The following CARMIL1 variants were observed in gnomAD, a reference collection of about 807,000 sequenced individuals.
CARMIL1 encodes the protein capping protein regulator and myosin 1 linker 1, also known as F-actin-uncapping protein LRRC16A.
Under a neutral mutation model 177.1 loss-of-function variants are expected in CARMIL1, and 90 were observed. That is an observed-to-expected ratio of 0.51 (90% confidence interval 0.43 to 0.61). The LOEUF (loss-of-function observed/expected upper bound fraction) is 0.61, where lower values mean the gene tolerates loss of function less well. Among genes scored for constraint, CARMIL1 ranks in the 20% least tolerant of loss-of-function variants. The pLI, the probability that CARMIL1 is intolerant of heterozygous loss-of-function variation, is 0.00. For missense variants in CARMIL1, 1,380 were observed against 1,667.0 expected (o/e 0.83, Z 3.00); for synonymous variants, 577 against 606.2 (o/e 0.95, Z 0.71).
chr6:25,568,434 G>T (rs1180009392), intron 29 of CARMIL1, among the ~76,000 whole-genome samples: 2 of 152,108 alleles, frequency 1.3e-5, no homozygotes, highest in African/African-American at 4.8e-5. Flanking sequence ...GCTGGCTAAG[G>T]GTGGAGCCTT....
chr6:25,392,199 A>G (rs1309674627), intron 2 of CARMIL1, among the ~76,000 whole-genome samples: 1 of 151,928 alleles, frequency 6.6e-6, no homozygotes, highest in East Asian at 1.9e-4. Context: ...GGGATCTAGA[A>G]TTGCAGGTTA....
At chr6:25,601,908 C>G (rs573450091) in intron 33 of CARMIL1, among the ~76,000 whole-genome samples, 13 of 152,296 alleles carry the variant, frequency 8.5e-5, no homozygotes, top group South Asian at 4.1e-4. Flanking sequence ...TGTGCATTAT[C>G]TTGAGCTCCA....
intron 33 of CARMIL1, 69 bp downstream of exon 33, chr6:25,600,815 G>T: frequency 7.5e-7 from 1 of 1,330,590 alleles, no homozygotes; most frequent in East Asian, 2.6e-5. Flanking sequence ...TTTTCATGGT[G>T]CATGTGATAT....
At chr6:25,372,424 G>A (rs1034879162) in intron 2 of CARMIL1, among the ~76,000 whole-genome samples, 3 of 152,048 alleles carry the variant, frequency 2.0e-5, no homozygotes, top group African/African-American at 7.2e-5. Context: ...ATTTCCTTCA[G>A]CAGTGTTTTG....
At chr6:25,353,287 G>A (rs1788285942) in intron 2 of CARMIL1, among the ~76,000 whole-genome samples, 1 of 152,174 alleles carries the variant, frequency 6.6e-6, no homozygotes, top group Admixed American at 6.5e-5. Context: ...AACAATCCTA[G>A]GAGAGATGTG....
chr6:25,306,660 AT>A (rs1783296736), intron 2 of CARMIL1, among the ~76,000 whole-genome samples: 1 of 152,212 alleles, frequency 6.6e-6, no homozygotes, highest in African/African-American at 2.4e-5. Flanking sequence ...TGTTGTATGC[AT>A]ATACCAATTT....
rs547319280 is a variant in CARMIL1, at chr6:25,349,969, C to T, written c.138+65060C>T. Among the ~76,000 whole-genome samples the T allele has an allele frequency of 3.9e-5, 6 of 152,042 alleles. No individual in the cohort carries two copies. In the East Asian group the frequency reaches 5.8e-4, roughly 15 times the overall value. Reference sequence around the variant, plus strand: ...GTCTCGATCTCCTGACCTCGTGATCCGCCCGCCTTAGCCTCCTAAAGTGCT... The same window carrying T: ...GTCTCGATCTCCTGACCTCGTGATCTGCCCGCCTTAGCCTCCTAAAGTGCT... On this transcript the variant is annotated intron_variant, in intron 2 of 36. Coordinates refer to ENST00000329474, the MANE Select transcript of CARMIL1 (RefSeq NM_017640.6).
chr6:25,383,660 G>A (rs562703148), intron 2 of CARMIL1: 1 of 152,252 alleles, frequency 6.6e-6, no homozygotes, highest in East Asian at 1.9e-4. Flanking sequence ...CATGGCCCCT[G>A]TCGAAGGATG....
chr6:25,592,514 C>T (rs1814420195), intron 31 of CARMIL1, among the ~76,000 whole-genome samples: 1 of 152,118 alleles, frequency 6.6e-6, no homozygotes, highest in African/African-American at 2.4e-5. Flanking sequence ...AAACCTTGCT[C>T]CAATATAAAG....
At chr6:25,438,424 C>A (rs1430374670) in intron 5 of CARMIL1, among the ~76,000 whole-genome samples, 1 of 152,166 alleles carries the variant, frequency 6.6e-6, no homozygotes, top group East Asian at 1.9e-4. Flanking sequence ...AGTAACAGTA[C>A]CTTTGAGTAA....
At chr6:25,469,261 G>A (rs1730771744) in intron 9 of CARMIL1, among the ~76,000 whole-genome samples, 2 of 152,306 alleles carry the variant, frequency 1.3e-5, no homozygotes, top group South Asian at 4.1e-4. Flanking sequence ...GGTACTTGGG[G>A]TGTATCCAAG....
intron 2 of CARMIL1, among the ~76,000 whole-genome samples, chr6:25,342,799 T>C (rs1787075183): frequency 6.6e-6 from 1 of 152,218 alleles, no homozygotes; most frequent in Non-Finnish European, 1.5e-5. Flanking sequence ...TACAGGGCTT[T>C]TAGAAATCCT....
At chr6:25,607,922 A>G (rs1816136108) in intron 35 of CARMIL1, among the ~76,000 whole-genome samples, 1 of 152,222 alleles carries the variant, frequency 6.6e-6, no homozygotes, top group Non-Finnish European at 1.5e-5. Flanking sequence ...ATTCTACTCA[A>G]ACTTTTTCCC....
chr6:25,422,576 A>G (rs750855266), intron 3 of CARMIL1, among the ~76,000 whole-genome samples: 1 of 152,046 alleles, frequency 6.6e-6, no homozygotes, highest in Non-Finnish European at 1.5e-5. Flanking sequence ...CTATATGTTT[A>G]TTATGTTTTA....
chr6:25,589,024 G>T (rs1472290830), intron 31 of CARMIL1, among the ~76,000 whole-genome samples: 1 of 152,174 alleles, frequency 6.6e-6, no homozygotes, highest in Non-Finnish European at 1.5e-5. Context: ...TAACTCCTGG[G>T]TAATAGGTTT....
In CARMIL1 at chr6:25,586,363, C is replaced by T. The variant is rs1163306701; in HGVS notation, c.3006+4924C>T. ...GCTCCTCACATCCCAGACGGGGTGG[C>T]AGGGCAGAGGCACTCCCCACATCTC... On this transcript the variant is annotated intron_variant, in intron 31 of 36. Coordinates refer to ENST00000329474, the MANE Select transcript of CARMIL1 (RefSeq NM_017640.6). Among the ~76,000 whole-genome samples the T allele has an allele frequency of 1.0e-4, 15 of 148,138 alleles. No homozygotes were observed. The East Asian group carries it at 1.8e-3, about 18-fold the overall frequency.
chr6:25,545,773 A>G (rs1292207179), intron 26 of CARMIL1, among the ~76,000 whole-genome samples: 1 of 152,198 alleles, frequency 6.6e-6, no homozygotes, highest in East Asian at 1.9e-4. Flanking sequence ...AAGAGCCCAC[A>G]TGTTTATAAA....
intron 2 of CARMIL1, among the ~76,000 whole-genome samples, chr6:25,331,368 C>T (rs970693574): frequency 6.6e-6 from 1 of 152,176 alleles, no homozygotes; most frequent in African/African-American, 2.4e-5. Flanking sequence ...TGCTGCAGCC[C>T]ATGATAGGCT....
intron 2 of CARMIL1, among the ~76,000 whole-genome samples, chr6:25,351,956 T>G (rs1788149258): frequency 6.6e-6 from 1 of 152,168 alleles, no homozygotes; most frequent in Non-Finnish European, 1.5e-5. Context: ...GGTGTGATAC[T>G]GGGTCTATCA....
Sources: allele counts gnomAD v4.1 joint callset (sites outside exome capture counted in the v4.1 genomes callset), GRCh38; gene constraint gnomAD v4.1.1; transcripts MANE v1.5; gene names NCBI Gene and HGNC (gene_info 2026-07-23, HGNC 2026-07-21).